GALNT13: variants seen among roughly 807,000 people sequenced by gnomAD.
The protein encoded by GALNT13 is UDP-GalNAc:polypeptide N-acetylgalactosaminyltransferase 13.
A neutral mutation model predicts 64.2 loss-of-function variants in GALNT13; 28 were observed. The observed-to-expected ratio is 0.44, with a 90% confidence interval of 0.32 to 0.60. The LOEUF (loss-of-function observed/expected upper bound fraction) is 0.60, where lower values mean the gene tolerates loss of function less well. GALNT13 is among the 20% of genes least tolerant of loss of function. The pLI is 0.05. For synonymous variants in GALNT13, 214 were observed against 224.6 expected (o/e 0.95, Z 0.42); for missense variants, 577 against 669.8 (o/e 0.86, Z 1.53).
the GALNT13 span, among the ~76,000 whole-genome samples, chr2:153,497,202 A>C: frequency 6.6e-6 from 1 of 152,024 alleles, no homozygotes; most frequent in Admixed American, 6.6e-5. Flanking sequence ...TCTGCTAAAC[A>C]CCTATTTACA....
At chr2:154,176,336 G>A (rs532121442) in intron 4 of GALNT13, among the ~76,000 whole-genome samples, 62 of 150,718 alleles carry the variant, frequency 4.1e-4, no homozygotes, top group African/African-American at 1.4e-3. Context: ...GTGCAGTGGC[G>A]CGATCTTGGC....
chr2:153,604,973 A>G, the GALNT13 span, among the ~76,000 whole-genome samples: 12 of 152,134 alleles, frequency 7.9e-5, no homozygotes, highest in African/African-American at 2.9e-4. Flanking sequence ...CAGGGAAGGT[A>G]AATGACTTTT....
At position 154,040,372 on chromosome 2, in the gene GALNT13, G is replaced by C. The variant is rs1357761364; in HGVS notation, c.142+95733G>C. On this transcript the variant is annotated intron_variant, in intron 3 of 12. Coordinates refer to ENST00000392825, the MANE Select transcript of GALNT13 (RefSeq NM_052917.4). ...AGGCATTGAAGTTTTGGTGCACTGA[G>C]TAGAATACATCGTGATTATGAAATG... Among the ~76,000 whole-genome samples the C allele has an allele frequency of 2.1e-5, 3 of 140,982 alleles. 1 individual carries two copies. The highest frequency in any genetic ancestry group is 4.9e-5 in the Non-Finnish European group (3 of 61,336). 92.5% of individuals were successfully genotyped at this position (140,982 alleles called of 152,430 possible).
chr2:154,151,986 G>A (rs1279668280), intron 4 of GALNT13, among the ~76,000 whole-genome samples: 1 of 152,116 alleles, frequency 6.6e-6, no homozygotes, highest in African/African-American at 2.4e-5. Flanking sequence ...ATGTTAGCTG[G>A]TTATTTTGCT....
At chr2:153,948,091 G>GTA (rs1691902269) in intron 3 of GALNT13, among the ~76,000 whole-genome samples, 1 of 152,084 alleles carries the variant, frequency 6.6e-6, no homozygotes, top group Non-Finnish European at 1.5e-5. Context: ...TAGCCCTGTA[G>GTA]TATAGTTTGG....
At chr2:154,365,266 A>C (rs1697305058) in intron 9 of GALNT13, among the ~76,000 whole-genome samples, 1 of 152,086 alleles carries the variant, frequency 6.6e-6, no homozygotes, top group Non-Finnish European at 1.5e-5. Flanking sequence ...GTTTTTTCCT[A>C]AGCAGGTCAC....
chr2:153,712,048 G>T, the GALNT13 span, among the ~76,000 whole-genome samples: 16 of 152,126 alleles, frequency 1.1e-4, no homozygotes, highest in African/African-American at 3.9e-4. Context: ...GTTTGGGTTT[G>T]TGATCTTTTT....
intron 3 of GALNT13, among the ~76,000 whole-genome samples, chr2:153,970,190 A>G (rs530020603): frequency 3.9e-5 from 6 of 152,214 alleles, no homozygotes; most frequent in Non-Finnish European, 8.8e-5. Flanking sequence ...AGATACTCCA[A>G]GCAGCTTCTT....
At chr2:153,407,026 A>G in the GALNT13 span, among the ~76,000 whole-genome samples, 4 of 152,240 alleles carry the variant, frequency 2.6e-5, no homozygotes, top group Admixed American at 2.0e-4. Flanking sequence ...ATTAAGAACA[A>G]TTAAAACAAT....
intron 4 of GALNT13, among the ~76,000 whole-genome samples, chr2:154,186,244 T>A (rs900082778): frequency 6.6e-6 from 1 of 152,216 alleles, no homozygotes; most frequent in Admixed American, 6.5e-5. Flanking sequence ...AAATTCCCAA[T>A]TGTTAAATGA....
At chr2:154,212,519 C>T (rs1041879981) in intron 4 of GALNT13, among the ~76,000 whole-genome samples, 1 of 152,192 alleles carries the variant, frequency 6.6e-6, no homozygotes, top group South Asian at 2.1e-4. Context: ...GCTGGGATTA[C>T]AAGCGTGAGC....
At chr2:153,947,844 G>C (rs1439484926) in intron 3 of GALNT13, among the ~76,000 whole-genome samples, 3 of 151,998 alleles carry the variant, frequency 2.0e-5, no homozygotes, top group African/African-American at 7.2e-5. Flanking sequence ...AATCCATCTT[G>C]AGTTAATTTT....
At chr2:153,896,095 T>TTTTTTTTTTTTTTTTTTTTTGAGA (rs1687874398) in intron 1 of GALNT13, among the ~76,000 whole-genome samples, 1 of 95,400 alleles carries the variant, frequency 1.0e-5, no homozygotes, top group African/African-American at 3.0e-5. Flanking sequence ...TTATGTTTTT[T>TTTTTTTTTTTTTTTTTTTTTGAGA]CCTAAATTAA....
At chr2:153,543,339 A>C in the GALNT13 span, among the ~76,000 whole-genome samples, 1 of 152,224 alleles carries the variant, frequency 6.6e-6, no homozygotes, top group African/African-American at 2.4e-5. Context: ...TGTTGAGTGC[A>C]TGCCCTGTGA....
At chr2:154,192,989 G>GA (rs539483194) in intron 4 of GALNT13, among the ~76,000 whole-genome samples, 4 of 152,002 alleles carry the variant, frequency 2.6e-5, no homozygotes, top group African/African-American at 2.4e-5. Context: ...AAAAGCTATT[G>GA]AAAAAAATAA....
At chr2:154,132,403 G>A (rs547937536) in intron 3 of GALNT13, among the ~76,000 whole-genome samples, 83 of 150,972 alleles carry the variant, frequency 5.5e-4, no homozygotes, top group African/African-American at 2.0e-3. Flanking sequence ...TTTTTACTTA[G>A]TATAACATGA....
the GALNT13 span, among the ~76,000 whole-genome samples, chr2:153,070,988 TA>T: frequency 1.3e-5 from 2 of 152,316 alleles, no homozygotes; most frequent in African/African-American, 4.8e-5. Context: ...CTGAAATTAT[TA>T]TTTTTTTATT....
intron 4 of GALNT13, among the ~76,000 whole-genome samples, chr2:154,208,792 A>C (rs1265283514): frequency 6.6e-6 from 1 of 152,062 alleles, no homozygotes; most frequent in Non-Finnish European, 1.5e-5. Context: ...TACTTCAGCT[A>C]CCCAATCTCT....
the GALNT13 span, among the ~76,000 whole-genome samples, chr2:153,149,402 A>G: frequency 2.6e-5 from 4 of 151,912 alleles, no homozygotes; most frequent in Non-Finnish European, 5.9e-5. Flanking sequence ...ATTTCTTATT[A>G]TCACTACCAA....
Sources: allele counts gnomAD v4.1 joint callset (sites outside exome capture counted in the v4.1 genomes callset), GRCh38; gene constraint gnomAD v4.1.1; transcripts MANE v1.5; gene names NCBI Gene and HGNC (gene_info 2026-07-23, HGNC 2026-07-21).